L3MBTL3: variants seen among roughly 807,000 people sequenced by gnomAD.
The protein encoded by L3MBTL3 is L3MBTL histone methyl-lysine binding protein 3.
In L3MBTL3, 27 loss-of-function variants were observed where a neutral mutation model predicts 102.3. The observed-to-expected ratio is 0.26, with a 90% CI of 0.19 to 0.36. L3MBTL3 has a LOEUF of 0.36. Ranked by LOEUF, L3MBTL3 falls within the 10% of genes least tolerant of loss-of-function variation. The pLI is 1.00. For synonymous variants in L3MBTL3, 340 were observed against 320.9 expected, an observed-to-expected ratio of 1.06 and a Z score of -0.64; for missense variants, 798 against 955.3, an observed-to-expected ratio of 0.84 and a Z score of 2.17.
intron 16 of L3MBTL3, among the ~76,000 whole-genome samples, chr6:130,086,847 C>A (rs1246129988): frequency 1.3e-5 from 2 of 152,316 alleles, no homozygotes; most frequent in East Asian, 3.9e-4. Context: ...ACTTCACCCT[C>A]AGACCAAAAC....
At chr6:130,038,818 G>A (rs901647789) in intron 2 of L3MBTL3, among the ~76,000 whole-genome samples, 1 of 151,630 alleles carries the variant, frequency 6.6e-6, no homozygotes, top group African/African-American at 2.4e-5. Context: ...TTGTGCTTTT[G>A]AGGTCTGTAA....
At chr6:130,066,012 G>C (rs1018830297) in intron 10 of L3MBTL3, among the ~76,000 whole-genome samples, 1 of 152,080 alleles carries the variant, frequency 6.6e-6, no homozygotes, top group Non-Finnish European at 1.5e-5. Context: ...TGCTGTGCTG[G>C]TGTGCCTTCC....
intron 8 of L3MBTL3, among the ~76,000 whole-genome samples, chr6:130,055,635 CCTCCCTCCCTCTCT>C (rs1781441456): frequency 1.5e-5 from 1 of 68,620 alleles, no homozygotes; most frequent in African/African-American, 5.1e-5. Flanking sequence ...TCCCTCCCTC[CCTCCCTCCCTCTCT>C]CTCCCTCCCT....
rs147031306 is a variant in L3MBTL3, at chr6:130,110,987, A to G, written c.1886+6412A>G. On this transcript the variant is annotated intron_variant, in intron 19 of 22. Coordinates refer to ENST00000361794, the MANE Select transcript of L3MBTL3 (RefSeq NM_032438.4). ...TAATTTCCCACTCAGATTTTAACAA[A>G]TTTTCTTTGCATTTTTCTTAAGAAT... Among the ~76,000 whole-genome samples, 20 of 152,146 alleles carry G rather than the reference A, an allele frequency of 1.3e-4. No homozygotes were observed. In the East Asian group the frequency reaches 3.9e-3, roughly 29 times the overall value.
intron 19 of L3MBTL3, among the ~76,000 whole-genome samples, chr6:130,120,329 C>T (rs1786059295): frequency 6.6e-6 from 1 of 152,134 alleles, no homozygotes; most frequent in African/African-American, 2.4e-5. Flanking sequence ...GCATCTCTGG[C>T]ATGTTTAGTT....
At chr6:130,051,783 A>G (rs2114785894) in intron 6 of L3MBTL3, among the ~76,000 whole-genome samples, 1 of 152,328 alleles carries the variant, frequency 6.6e-6, no homozygotes, top group East Asian at 1.9e-4. Flanking sequence ...TTCTTAGGTA[A>G]CTCGGTTAAA....
chr6:130,025,309 G>A (rs893077079), intron 2 of L3MBTL3, among the ~76,000 whole-genome samples: 1 of 152,090 alleles, frequency 6.6e-6, no homozygotes, highest in African/African-American at 2.4e-5. Flanking sequence ...TTTTCTAAAG[G>A]GCTTCATTAT....
chr6:130,072,610 A>C (rs1463619477), intron 13 of L3MBTL3, among the ~76,000 whole-genome samples: 2 of 152,244 alleles, frequency 1.3e-5, no homozygotes, highest in Non-Finnish European at 2.9e-5. Flanking sequence ...GCCCTGCTGC[A>C]ACCTTTACTC....
In L3MBTL3 at chr6:130,140,202, G is replaced by GT. The variant is rs1788152638; in HGVS notation, c.*452dup. 6.3e-6 allele frequency: 1 copy of GT among 159,392 alleles called. No homozygotes were observed. The highest frequency in any genetic ancestry group is 2.4e-5 in the African/African-American group (1 of 41,444). 9.9% of individuals were successfully genotyped at this position (159,392 alleles called of 1,614,324 possible). On this transcript the variant is annotated 3_prime_UTR_variant, in exon 23 of 23. Coordinates refer to ENST00000361794, the MANE Select transcript of L3MBTL3 (RefSeq NM_032438.4). ...ACCAAATTAGTCGAAACCTGGCTAA[G>GT]TTTAGCCAGTAGGACTGTTATCTGT...
chr6:130,078,494 T>C, intron 13 of L3MBTL3, 64 bp from the exon 14 acceptor site: 1 of 1,098,014 alleles, frequency 9.1e-7, no homozygotes, highest in Non-Finnish European at 1.4e-6. Context: ...GTTTTCTTTT[T>C]ATTTTACTAG....
intron 5 of L3MBTL3, among the ~76,000 whole-genome samples, chr6:130,050,686 A>G (rs1781041395): frequency 1.3e-5 from 2 of 152,298 alleles, no homozygotes; most frequent in South Asian, 2.1e-4. Flanking sequence ...TAATGTCTAG[A>G]ATAAATTGGT....
chr6:130,064,112 C>T (rs763151016), intron 10 of L3MBTL3, among the ~76,000 whole-genome samples: 1 of 152,130 alleles, frequency 6.6e-6, no homozygotes, highest in Non-Finnish European at 1.5e-5. Flanking sequence ...ATTTACTAGA[C>T]TTGGTTAGGT....
At chr6:130,122,576 G>A (rs1042269521) in intron 20 of L3MBTL3, among the ~76,000 whole-genome samples, 12 of 152,192 alleles carry the variant, frequency 7.9e-5, no homozygotes, top group African/African-American at 2.7e-4. Context: ...TTAGAACAGT[G>A]CCTGGCACAT....
chr6:130,034,469 T>A (rs1257262537), intron 2 of L3MBTL3, among the ~76,000 whole-genome samples: 1 of 152,210 alleles, frequency 6.6e-6, no homozygotes, highest in African/African-American at 2.4e-5. Flanking sequence ...TCTACTTATT[T>A]CCTTTTGGAG....
At chr6:130,023,397 C>T (rs551241007) in intron 2 of L3MBTL3, among the ~76,000 whole-genome samples, 4 of 152,276 alleles carry the variant, frequency 2.6e-5, no homozygotes, top group Admixed American at 2.6e-4. Context: ...TAGGAAGGTC[C>T]TGCAGACAAC....
rs1482912408 is a variant in L3MBTL3 at position 130,133,196 on chromosome 6, GA to G, written c.1967-255del. Reference sequence around the variant, plus strand: ...CGTTTCTTATCTGAAGCATTAAAGAGACAACGTTGAACAACATAATGAAGCA... The same window carrying G: ...CGTTTCTTATCTGAAGCATTAAAGAGCAACGTTGAACAACATAATGAAGCA... On this transcript the variant is annotated intron_variant, in intron 20 of 22. Transcript: ENST00000361794. This position sits in a 1 kb window ranked among gnomAD's most constrained non-coding sequence, Gnocchi z 4.9. Among the ~76,000 whole-genome samples the G allele has an allele frequency of 6.6e-6, 1 of 152,200 alleles. No homozygotes were observed. Among genetic ancestry groups the G allele is most frequent in the Non-Finnish European group, 1.5e-5 (1 of 68,042 alleles).
At position 130,060,050 on chromosome 6, in the gene L3MBTL3, A is replaced by G. The variant is rs748574046; in HGVS notation, c.774A>G (p.Pro258=). The G allele has an allele frequency of 1.5e-5, 24 of 1,610,986 alleles. No individual in the cohort carries two copies. The highest frequency in any genetic ancestry group is 3.3e-5 in the Admixed American group (2 of 59,962). The part of the protein sequence containing the change: ...AKLFKEHQSF[P]YNKNGFKVGM... ...TTGCATTTTAGCATCAATCCTTTCC[A>G]TATAACAAAAATGGATTCAAAGTTG... is the stretch of plus-strand genomic sequence containing the variant. Residue 258 remains proline, a synonymous_variant, in exon 10 of 23, where the codon CCA becomes CCG. Transcript: ENST00000361794.
intron 19 of L3MBTL3, among the ~76,000 whole-genome samples, chr6:130,110,478 T>C (rs1373973938): frequency 6.6e-6 from 1 of 152,218 alleles, no homozygotes; most frequent in Non-Finnish European, 1.5e-5. Flanking sequence ...AGTTCACTCA[T>C]GATTTGACTC....
intron 20 of L3MBTL3, among the ~76,000 whole-genome samples, chr6:130,125,589 C>T (rs1051658764): frequency 6.6e-6 from 1 of 152,184 alleles, no homozygotes; most frequent in South Asian, 2.1e-4. Context: ...TGGCACAATT[C>T]CTCTTTCAAA....
Sources: gnomAD v4.1 joint callset for allele counts (sites outside exome capture counted in the v4.1 genomes callset) on GRCh38, gnomAD v4.1.1 for gene constraint, Gnocchi (gnomAD v3.1) non-coding constraint, MANE v1.5 for transcripts, NCBI Gene and HGNC (gene_info 2026-07-23, HGNC 2026-07-21) for gene names.